FSIP1: variants seen among roughly 807,000 people sequenced by gnomAD.
FSIP1 encodes the protein fibrous sheath interacting protein 1, also known as fibrous sheath-interacting protein 1.
Under a neutral mutation model 60.9 loss-of-function variants are expected in FSIP1, and 65 were observed. The ratio of observed to expected loss-of-function variants is 1.07; its 90% confidence interval spans 0.87 to 1.31. The LOEUF (loss-of-function observed/expected upper bound fraction) is 1.31. FSIP1 is among the 40% of genes most tolerant of loss of function. FSIP1 has a pLI of 0.00. For missense variants in FSIP1, 675 were observed against 665.5 expected (o/e 1.01, Z -0.16); for synonymous variants, 209 against 221.2 (o/e 0.94, Z 0.49).
At chr15:39,770,832 A>G (rs1897860999) in intron 2 of FSIP1, among the ~76,000 whole-genome samples, 1 of 152,238 alleles carries the variant, frequency 6.6e-6, no homozygotes, top group Non-Finnish European at 1.5e-5. Flanking sequence ...AATCCCTAGC[A>G]ATAATGGAGA....
chr15:39,629,567 C>A (rs566146358), intron 10 of FSIP1, among the ~76,000 whole-genome samples: 1 of 152,324 alleles, frequency 6.6e-6, no homozygotes, highest in East Asian at 1.9e-4. Flanking sequence ...CCCTCTCTGC[C>A]TGCGCACACC....
chr15:39,624,320 G>C (rs1213778964), intron 10 of FSIP1, among the ~76,000 whole-genome samples: 1 of 152,230 alleles, frequency 6.6e-6, no homozygotes, highest in Admixed American at 6.5e-5. Context: ...AATGATGGAA[G>C]TGTTTCCAAA....
intron 8 of FSIP1, among the ~76,000 whole-genome samples, chr15:39,737,063 C>T (rs1468343943): frequency 6.6e-6 from 1 of 152,156 alleles, no homozygotes; most frequent in Non-Finnish European, 1.5e-5. Context: ...GCAGCATTCA[C>T]TCCATCATGT....
chr15:39,730,510 T>C (rs893795769), intron 8 of FSIP1, among the ~76,000 whole-genome samples: 3 of 152,208 alleles, frequency 2.0e-5, no homozygotes, highest in Admixed American at 6.5e-5. Flanking sequence ...ACGATGTTAA[T>C]ACCAGGAACT....
At chr15:39,722,271 A>T (rs765400352) in intron 9 of FSIP1, among the ~76,000 whole-genome samples, 6 of 152,080 alleles carry the variant, frequency 3.9e-5, no homozygotes, top group Non-Finnish European at 8.8e-5. Context: ...ATCTAGTTGC[A>T]GGAAAACAAG....
intron 10 of FSIP1, among the ~76,000 whole-genome samples, chr15:39,644,979 A>T (rs1892532906): frequency 6.6e-6 from 1 of 152,236 alleles, no homozygotes; most frequent in Admixed American, 6.5e-5. Context: ...TCATTAAGAG[A>T]TATAAAAACA....
intron 9 of FSIP1, among the ~76,000 whole-genome samples, chr15:39,725,773 T>C (rs1896165580): frequency 6.6e-6 from 1 of 151,518 alleles, no homozygotes; most frequent in African/African-American, 2.4e-5. Context: ...TGATATGCCA[T>C]ACCTTCTACC....
chr15:39,634,802 A>G (rs1292579443), intron 10 of FSIP1, among the ~76,000 whole-genome samples: 1 of 152,204 alleles, frequency 6.6e-6, no homozygotes, highest in Non-Finnish European at 1.5e-5. Flanking sequence ...TTCCACTAGT[A>G]CATGTGCATC....
intron 10 of FSIP1, among the ~76,000 whole-genome samples, chr15:39,699,530 C>A (rs1420373330): frequency 6.6e-6 from 1 of 152,130 alleles, no homozygotes; most frequent in Non-Finnish European, 1.5e-5. Context: ...AATCAACCTG[C>A]CAGTAATATC....
chr15:39,684,435 T>C (rs1013569508), intron 10 of FSIP1, among the ~76,000 whole-genome samples: 4 of 152,126 alleles, frequency 2.6e-5, no homozygotes, highest in Non-Finnish European at 5.9e-5. Flanking sequence ...ATAGAGCACA[T>C]AGTCCATAAA....
At chr15:39,682,540 G>A (rs1894207907) in intron 10 of FSIP1, among the ~76,000 whole-genome samples, 1 of 152,146 alleles carries the variant, frequency 6.6e-6, no homozygotes, top group African/African-American at 2.4e-5. Context: ...GTGCAAGCTG[G>A]GGCTCCCCGG....
intron 10 of FSIP1, among the ~76,000 whole-genome samples, chr15:39,619,890 G>A (rs1168989123): frequency 1.3e-5 from 2 of 152,120 alleles, no homozygotes; most frequent in East Asian, 1.9e-4. Context: ...AGAGCAGGAG[G>A]AGGTCTCTAG....
rs142345658 is a variant in FSIP1 at position 39,736,845 on chromosome 15, T to C, written c.891+1246A>G. ...CAGCTGAAGCTCAGCTTCAGTCTGA[T>C]CCCTGGGGAAGCTATGGAGGACACA... On this transcript the variant is annotated intron_variant, in intron 8 of 11. Coordinates refer to ENST00000350221, the MANE Select transcript of FSIP1 (RefSeq NM_152597.5). Among the ~76,000 whole-genome samples, 22 of 152,246 alleles carry C rather than the reference T, an allele frequency of 1.4e-4. No individual in the cohort carries two copies. In the East Asian group the frequency reaches 4.1e-3, roughly 28 times the overall value.
chr15:39,688,934 T>C (rs1194627830), intron 10 of FSIP1, among the ~76,000 whole-genome samples: 1 of 152,150 alleles, frequency 6.6e-6, no homozygotes, highest in Non-Finnish European at 1.5e-5. Flanking sequence ...TTTCTAGAGG[T>C]CTGTTTCACC....
intron 9 of FSIP1, among the ~76,000 whole-genome samples, chr15:39,717,219 CA>C (rs749550117): frequency 2.0e-5 from 3 of 151,642 alleles, no homozygotes; most frequent in Non-Finnish European, 4.4e-5. Flanking sequence ...GCCTTGTACA[CA>C]AATGTTCATG....
intron 9 of FSIP1, among the ~76,000 whole-genome samples, chr15:39,713,803 T>C (rs965026016): frequency 6.6e-6 from 1 of 152,164 alleles, no homozygotes; most frequent in Non-Finnish European, 1.5e-5. Flanking sequence ...CTGTAATCAT[T>C]TGGGAAGCAG....
At chr15:39,741,010 C>T (rs572991994) in intron 6 of FSIP1, among the ~76,000 whole-genome samples, 2 of 152,070 alleles carry the variant, frequency 1.3e-5, no homozygotes, top group South Asian at 4.2e-4. Flanking sequence ...ATCAACTACC[C>T]ATAGTTAACG....
At chr15:39,642,821 C>T (rs16969487) in intron 10 of FSIP1, among the ~76,000 whole-genome samples, 24,370 of 152,150 alleles carry the variant, frequency 0.16, 2,166 homozygotes, top group African/African-American at 0.2. Context: ...TAAGTTGATT[C>T]CTATGGCAAA....
chr15:39,747,021 C>CTCCTTCCCTCCTTCCA (rs1555397697), intron 5 of FSIP1, among the ~76,000 whole-genome samples: 15,743 of 138,726 alleles, frequency 0.11, 1,201 homozygotes, highest in East Asian at 0.32. Context: ...CCCTCCTTCC[C>CTCCTTCCCTCCTTCCA]TCCTTCCCTC....
Sources: gnomAD v4.1 joint callset for allele counts (sites outside exome capture counted in the v4.1 genomes callset) on GRCh38, gnomAD v4.1.1 for gene constraint, MANE v1.5 for transcripts, NCBI Gene and HGNC (gene_info 2026-07-23, HGNC 2026-07-21) for gene names.